Variants in PDS5B observed in about 807,000 individuals in gnomAD.
PDS5B encodes sister chromatid cohesion protein PDS5 homolog B.
In PDS5B, 51 loss-of-function variants were observed where a neutral mutation model predicts 184.1. The observed-to-expected ratio is 0.28, with a 90% CI of 0.22 to 0.35. PDS5B has a LOEUF of 0.35. PDS5B is among the 10% of genes least tolerant of loss of function. The pLI is 1.00. For synonymous variants in PDS5B, 566 were observed against 569.2 expected, an observed-to-expected ratio of 0.99 and a Z score of 0.08; for missense variants, 1,180 against 1,723.3, an observed-to-expected ratio of 0.68 and a Z score of 5.58.
At chr13:32,692,728 T>A (rs1375668303) in intron 13 of PDS5B, among the ~76,000 whole-genome samples, 1 of 152,032 alleles carries the variant, frequency 6.6e-6, no homozygotes, top group African/African-American at 2.4e-5. Flanking sequence ...TTTTTCCTAT[T>A]GTAATACTGC....
intron 19 of PDS5B, 111 bp from the exon 20 acceptor site, chr13:32,731,990 A>G: frequency 1.2e-6 from 1 of 814,530 alleles, no homozygotes; most frequent in African/African-American, 1.8e-5. Flanking sequence ...AATCTTGGTG[A>G]CTTTTTCTGA....
At position 32,775,894 on chromosome 13, in the gene PDS5B, G is replaced by T; in HGVS notation, c.*842G>T. On this transcript the variant is annotated 3_prime_UTR_variant, in exon 35 of 35. Transcript: ENST00000315596. Reference sequence around the variant, plus strand: ...TAATCTACTGTATCAATAAAATTCTGTAATTTGAATGAGTTTTTAATAGTC... The same window carrying T: ...TAATCTACTGTATCAATAAAATTCTTTAATTTGAATGAGTTTTTAATAGTC... 1 of 275,028 alleles carries T rather than the reference G, an allele frequency of 3.6e-6. No homozygotes were observed. The highest frequency in any genetic ancestry group is 7.2e-6 in the Non-Finnish European group (1 of 138,450). The allele number at this position is 275,028 out of a possible 1,614,324, so 17.0% of individuals were successfully genotyped here.
At position 32,658,309 on chromosome 13, in the gene PDS5B, A is replaced by AT; in HGVS notation, c.388dup (p.Tyr130LeufsTer4). On this transcript the variant is annotated frameshift_variant, in exon 4 of 35. Transcript: ENST00000315596. LOFTEE classifies it high-confidence loss of function. ...ACAAAGAGCCCACAATTCAATAGGT[A>AT]TTTTTATTTACTTGAGGTAAGCAAT... is the stretch of plus-strand genomic sequence containing the variant. 6.7e-7 allele frequency: 1 copy of AT among 1,502,792 alleles called. No individual in the cohort carries two copies. The highest frequency in any genetic ancestry group is 9.2e-7 in the Non-Finnish European group (1 of 1,082,978). 93.1% of individuals were successfully genotyped at this position (1,502,792 alleles called of 1,614,324 possible).
chr13:32,709,874 TA>T, intron 18 of PDS5B, 71 bp from the exon 19 acceptor site: 1 of 850,718 alleles, frequency 1.2e-6, no homozygotes. Context: ...GTATTTCTAA[TA>T]TGTAATATTT....
intron 19 of PDS5B, among the ~76,000 whole-genome samples, chr13:32,727,848 A>G (rs1310363945): frequency 6.6e-6 from 1 of 150,834 alleles, no homozygotes; most frequent in Non-Finnish European, 1.5e-5. Context: ...GGCCATTATT[A>G]TTTTGAATAC....
rs1368884119 is a variant in PDS5B, at chr13:32,658,531, A to G, written c.497A>G (p.Asn166Ser). Reference protein sequence around the residue: ...QLYRTLFSVINNGHNQKVHMH... With the variant: ...QLYRTLFSVISNGHNQKVHMH... The stretch of plus-strand genomic sequence containing the variant: ...TACAGAACCTTATTTTCAGTTATAA[A>G]GTAAGTTTATTTTATTAAGTATGTA... The change falls in exon 5 of 35, where the codon AAC (asparagine) becomes AGC (serine). Residue 166 changes from asparagine to serine, a missense_variant and splice_region_variant. This residue lies in a region of PDS5B where 79 missense variants were observed against 124.6 expected (regional missense o/e 0.63). Transcript: ENST00000315596. 2 of 1,457,482 alleles carry G rather than the reference A, an allele frequency of 1.4e-6. No homozygotes were observed. The highest frequency in any genetic ancestry group is 1.9e-5 in the Admixed American group (1 of 53,616). The allele number at this position is 1,457,482 out of a possible 1,614,324, so 90.3% of individuals were successfully genotyped here.
intron 19 of PDS5B, among the ~76,000 whole-genome samples, chr13:32,720,625 TTATTTTA>T (rs1419336954): frequency 2.0e-5 from 3 of 151,626 alleles, no homozygotes; most frequent in Admixed American, 6.5e-5. Flanking sequence ...ATTTATTTAT[TTATTTTA>T]TTATTTTTTT....
At chr13:32,626,240 G>T (rs984028860) in intron 1 of PDS5B, among the ~76,000 whole-genome samples, 5 of 152,156 alleles carry the variant, frequency 3.3e-5, no homozygotes, top group African/African-American at 1.2e-4. Flanking sequence ...TGAAGTGCTA[G>T]AGGCCCCTGT....
chr13:32,734,005 C>CACACACACACACACACACAA (rs1235325444), intron 20 of PDS5B, among the ~76,000 whole-genome samples: 9 of 151,372 alleles, frequency 5.9e-5, no homozygotes, highest in African/African-American at 2.2e-4. Flanking sequence ...CACACACACA[C>CACACACACACACACACACAA]ACACACACAA....
intron 15 of PDS5B, 118 bp from the exon 16 acceptor site, chr13:32,699,612 C>A: frequency 2.0e-6 from 1 of 510,606 alleles, no homozygotes; most frequent in Non-Finnish European, 3.3e-6. Context: ...TTTTGTTAAA[C>A]TAAACTGAAT....
intron 17 of PDS5B, among the ~76,000 whole-genome samples, chr13:32,703,218 A>T (rs922007567): frequency 6.6e-6 from 1 of 152,202 alleles, no homozygotes; most frequent in Admixed American, 6.5e-5. Flanking sequence ...CAGATTGTAT[A>T]GAAAGAAGTA....
At chr13:32,715,297 A>G (rs1227584317) in intron 19 of PDS5B, among the ~76,000 whole-genome samples, 5 of 152,232 alleles carry the variant, frequency 3.3e-5, no homozygotes, top group Admixed American at 2.6e-4. Flanking sequence ...ATTCTTAAGT[A>G]TACAGGACTC....
chr13:32,771,824 A>G (rs1014775555), intron 33 of PDS5B, among the ~76,000 whole-genome samples: 2 of 152,160 alleles, frequency 1.3e-5, no homozygotes, highest in Non-Finnish European at 2.9e-5. Context: ...GGAAATAACA[A>G]ACCTCATAAT....
At chr13:32,608,727 C>T (rs946947263) in intron 1 of PDS5B, among the ~76,000 whole-genome samples, 5 of 152,154 alleles carry the variant, frequency 3.3e-5, no homozygotes, top group Admixed American at 2.0e-4. Flanking sequence ...ATATGGCACA[C>T]TTTACCATGG....
chr13:32,771,157 G>A (rs1254406743), intron 33 of PDS5B: 1 of 156,450 alleles, frequency 6.4e-6, no homozygotes, highest in Non-Finnish European at 1.4e-5. Flanking sequence ...TTATGCTTCT[G>A]CTTTTATTCT....
intron 21 of PDS5B, among the ~76,000 whole-genome samples, chr13:32,739,951 G>C (rs1953481721): frequency 6.6e-6 from 1 of 151,852 alleles, no homozygotes; most frequent in South Asian, 2.1e-4. Flanking sequence ...GTTGTTTCTG[G>C]TAGTATCTGA....
chr13:32,778,008 CAT>C lies in PDS5B; in HGVS notation c.*2958_*2959del, dbSNP rs903917751. ...TTGGATTTCTGTGAAGTTGAATAAA[CAT>C]AAAAGCTAATACAGTTGTATTATTT... On this transcript the variant is annotated 3_prime_UTR_variant, in exon 35 of 35. Transcript: ENST00000315596. 2 of 152,394 alleles carry C rather than the reference CAT, an allele frequency of 1.3e-5. No individual in the cohort carries two copies. The highest frequency in any genetic ancestry group is 6.5e-5 in the Admixed American group (1 of 15,272). The allele number at this position is 152,394 out of a possible 1,614,324, so 9.4% of individuals were successfully genotyped here.
Position 32,661,473 on chromosome 13 carries a change from A to G in PDS5B, c.624+2193A>G, listed in dbSNP as rs964640481. On this transcript the variant is annotated intron_variant, in intron 6 of 34. Transcript: ENST00000315596. ...ACCTTGATTGAATTATATGTAAAAC[A>G]TATTTAGAGAACTGGGATAGATGTG... Among the ~76,000 whole-genome samples the G allele has an allele frequency of 1.3e-4, 20 of 151,840 alleles. No individual in the cohort carries two copies. The South Asian group carries it at 2.1e-3, about 16-fold the overall frequency.
chr13:32,706,975 C>A lies in PDS5B; in HGVS notation c.1898C>A (p.Ala633Glu). The A allele has an allele frequency of 6.2e-7, 1 of 1,612,270 alleles. No individual in the cohort carries two copies. The highest frequency in any genetic ancestry group is 8.5e-7 in the Non-Finnish European group (1 of 1,179,076). Residue 633 changes from alanine (A) to glutamate (E), a missense_variant, in exon 18 of 35, where the codon GCA becomes GAA. Ala to Glu is a moderately radical substitution (Grantham distance 107). Transcript: ENST00000315596. ...GTGAACAAATCAATAGATGGAACAG[C>A]AGATGATGAAGATGAGGGTGTTCCA... The part of the protein sequence containing the change: ...KQVNKSIDGT[A>E]DDEDEGVPTD...
Sources: allele counts gnomAD v4.1 joint callset (sites outside exome capture counted in the v4.1 genomes callset), GRCh38; gene constraint gnomAD v4.1.1; regional missense constraint gnomAD v4.1.1; transcripts MANE v1.5; gene names NCBI Gene and HGNC (gene_info 2026-07-23, HGNC 2026-07-21).